The following EPHA3 variants were observed in gnomAD, a reference collection of about 807,000 sequenced individuals.
EPHA3 encodes the protein EPH receptor A3.
Under a neutral mutation model 107.1 loss-of-function variants are expected in EPHA3, and 42 were observed. The ratio of observed to expected loss-of-function variants is 0.39; its 90% CI spans 0.31 to 0.51. The LOEUF (loss-of-function observed/expected upper bound fraction) is 0.51, where lower values mean the gene tolerates loss of function less well. Ranked by LOEUF, EPHA3 falls within the 20% of genes least tolerant of loss-of-function variation. EPHA3 has a pLI of 0.78. For missense variants in EPHA3, 1,183 were observed against 1,211.2 expected, an observed-to-expected ratio of 0.98 and a Z score of 0.35; for synonymous variants, 461 against 424.8, an observed-to-expected ratio of 1.09 and a Z score of -1.05.
chr3:89,459,836 T>C (rs1710185544), intron 15 of EPHA3, among the ~76,000 whole-genome samples: 1 of 152,206 alleles, frequency 6.6e-6, no homozygotes, highest in Non-Finnish European at 1.5e-5. Flanking sequence ...AGGGATGTTT[T>C]TTAAAGATTG....
chr3:89,262,992 A>G (rs1415518520), intron 3 of EPHA3, among the ~76,000 whole-genome samples: 1 of 71,866 alleles, frequency 1.4e-5, no homozygotes, highest in South Asian at 3.5e-4. Flanking sequence ...TTTTTTTTTA[A>G]TTATACTTTA....
chr3:89,244,379 C>G (rs1704981696), intron 3 of EPHA3, among the ~76,000 whole-genome samples: 1 of 151,854 alleles, frequency 6.6e-6, no homozygotes, highest in African/African-American at 2.4e-5. Flanking sequence ...AGTAAGATTT[C>G]TAAAATGATA....
intron 5 of EPHA3, among the ~76,000 whole-genome samples, chr3:89,342,942 C>G (rs551664536): frequency 5.3e-5 from 8 of 151,956 alleles, no homozygotes; most frequent in Non-Finnish European, 1.2e-4. Flanking sequence ...AGATGCCACT[C>G]TGATTCTCCA....
chr3:89,428,847 C>T (rs1301558971), intron 11 of EPHA3, among the ~76,000 whole-genome samples: 2 of 152,048 alleles, frequency 1.3e-5, no homozygotes, highest in Non-Finnish European at 2.9e-5. Context: ...TTTTTGTTTA[C>T]TTGAAAGGCC....
intron 3 of EPHA3, among the ~76,000 whole-genome samples, chr3:89,219,116 A>G (rs7373232): frequency 0.14 from 20,670 of 152,120 alleles, 1,421 homozygotes; most frequent in African/African-American, 0.16. Context: ...TAAGGTTTCA[A>G]TCTCCATGGA....
chr3:89,111,653 A>G (rs779409209), intron 1 of EPHA3, among the ~76,000 whole-genome samples: 39 of 152,108 alleles, frequency 2.6e-4, no homozygotes, highest in Non-Finnish European at 4.0e-4. Flanking sequence ...TTAAGCTTTT[A>G]CTGACAATCT....
chr3:89,293,245 G>A (rs1706259400), intron 3 of EPHA3, among the ~76,000 whole-genome samples: 3 of 151,964 alleles, frequency 2.0e-5, no homozygotes, highest in Admixed American at 1.3e-4. Flanking sequence ...CTAAACACAA[G>A]TACTTTATCA....
At chr3:89,187,984 A>T (rs1182264217) in intron 2 of EPHA3, among the ~76,000 whole-genome samples, 1 of 152,174 alleles carries the variant, frequency 6.6e-6, no homozygotes, top group Non-Finnish European at 1.5e-5. Flanking sequence ...GTATCTCCTA[A>T]ACAGAAACAA....
intron 5 of EPHA3, among the ~76,000 whole-genome samples, chr3:89,376,387 T>A (rs1708405062): frequency 6.6e-6 from 1 of 151,778 alleles, no homozygotes; most frequent in Non-Finnish European, 1.5e-5. Context: ...TTATAATATG[T>A]ATACATATTT....
intron 3 of EPHA3, among the ~76,000 whole-genome samples, chr3:89,248,945 T>C (rs1489855099): frequency 1.4e-4 from 21 of 152,200 alleles, no homozygotes; most frequent in Admixed American, 1.4e-3. Context: ...TGAAATTAAG[T>C]ACTTTTTAAT....
At chr3:89,211,799 TCTTCTTCTTC>T (rs1704105169) in intron 3 of EPHA3, among the ~76,000 whole-genome samples, 1 of 99,174 alleles carries the variant, frequency 1.0e-5, no homozygotes, top group African/African-American at 4.4e-5. Flanking sequence ...TTCTTCTTCT[TCTTCTTCTTC>T]TTCTTCTTCT....
At chr3:89,378,708 A>G (rs115457491) in intron 5 of EPHA3, among the ~76,000 whole-genome samples, 2,435 of 152,274 alleles carry the variant, frequency 0.016, 67 homozygotes, top group African/African-American at 0.055. Context: ...CTAAATACAT[A>G]CATTGGATTG....
chr3:89,240,395 T>A (rs1327655520), intron 3 of EPHA3, among the ~76,000 whole-genome samples: 1 of 152,120 alleles, frequency 6.6e-6, no homozygotes, highest in Admixed American at 6.6e-5. Context: ...TATAGTGTTA[T>A]GCACATATTT....
At chr3:89,458,985 G>T (rs554884188) in intron 15 of EPHA3, among the ~76,000 whole-genome samples, 1 of 152,096 alleles carries the variant, frequency 6.6e-6, no homozygotes, top group Non-Finnish European at 1.5e-5. Flanking sequence ...CAATGAGAAC[G>T]CATGGACTCA....
At chr3:89,409,700 C>G (rs554855520) in intron 9 of EPHA3, among the ~76,000 whole-genome samples, 4 of 152,020 alleles carry the variant, frequency 2.6e-5, no homozygotes, top group African/African-American at 9.7e-5. Flanking sequence ...CTTAATACTA[C>G]AGCTGGTTTA....
chr3:89,229,019 A>G (rs554221493), intron 3 of EPHA3, among the ~76,000 whole-genome samples: 2 of 152,044 alleles, frequency 1.3e-5, no homozygotes, highest in East Asian at 1.9e-4. Flanking sequence ...CTCCTTCCTC[A>G]CTTCCCTTTT....
At chr3:89,184,301 G>C (rs1705511828) in intron 2 of EPHA3, among the ~76,000 whole-genome samples, 1 of 151,968 alleles carries the variant, frequency 6.6e-6, no homozygotes, top group Non-Finnish European at 1.5e-5. Flanking sequence ...CATCAAAATG[G>C]AGGCCCCTGT....
At chr3:89,221,349 C>A (rs73849208) in intron 3 of EPHA3, among the ~76,000 whole-genome samples, 1 of 152,100 alleles carries the variant, frequency 6.6e-6, no homozygotes, top group Non-Finnish European at 1.5e-5. Flanking sequence ...TATTGATTCA[C>A]GTAATGGTCA....
chr3:89,383,937 C>T (rs1267470216), intron 5 of EPHA3, among the ~76,000 whole-genome samples: 2 of 151,906 alleles, frequency 1.3e-5, no homozygotes, highest in African/African-American at 4.8e-5. Context: ...CGTGAGCCAC[C>T]GCACCTAGCC....
Sources: allele counts gnomAD v4.1 joint callset (sites outside exome capture counted in the v4.1 genomes callset), GRCh38; gene constraint gnomAD v4.1.1; transcripts MANE v1.5; gene names NCBI Gene and HGNC (gene_info 2026-07-23, HGNC 2026-07-21).